Variants in DAPK1 observed in about 807,000 individuals in gnomAD.
DAPK1 encodes the protein death associated protein kinase 1.
Under a neutral mutation model 144.9 loss-of-function variants are expected in DAPK1, and 56 were observed. The ratio of observed to expected loss-of-function variants is 0.39; its 90% CI spans 0.31 to 0.48. The LOEUF (loss-of-function observed/expected upper bound fraction) is 0.48, where lower values mean the gene tolerates loss of function less well. DAPK1 is among the 20% of genes least tolerant of loss of function. The pLI is 0.95. For missense variants in DAPK1, 1,454 were observed against 1,875.4 expected (o/e 0.78, Z 4.15); for synonymous variants, 690 against 749.0 (o/e 0.92, Z 1.29).
intron 3 of DAPK1, chr9:87,632,921 TAA>T (rs1564033112): frequency 5.6e-6 from 5 of 899,846 alleles, no homozygotes; most frequent in Non-Finnish European, 6.5e-6. Flanking sequence ...TATATATATA[TAA>T]ATGAAGGGTG....
chr9:87,509,320 G>A (rs757688423), intron 2 of DAPK1, among the ~76,000 whole-genome samples: 1 of 152,088 alleles, frequency 6.6e-6, no homozygotes, highest in Non-Finnish European at 1.5e-5. Context: ...TATTTCATTG[G>A]CCTATAAATC....
intron 2 of DAPK1, among the ~76,000 whole-genome samples, chr9:87,507,363 C>T (rs1271568945): frequency 6.6e-6 from 1 of 152,200 alleles, no homozygotes; most frequent in Non-Finnish European, 1.5e-5. Flanking sequence ...CAGGCATGCA[C>T]CACCACGCCT....
Position 87,623,759 on chromosome 9 carries a change from A to G in DAPK1, c.285-14184A>G, listed in dbSNP as rs144787697. Among the ~76,000 whole-genome samples, 41 of 152,296 alleles carry G rather than the reference A, an allele frequency of 2.7e-4. No homozygotes were observed. In the East Asian group the frequency reaches 6.0e-3, roughly 22 times the overall value. Reference sequence around the variant, plus strand: ...ATTTCCTGTGCAAGGACTGTGTGCCATGCCCTTGCTCATAAGTGCCTTTCA... The same window carrying G: ...ATTTCCTGTGCAAGGACTGTGTGCCGTGCCCTTGCTCATAAGTGCCTTTCA... On this transcript the variant is annotated intron_variant, in intron 3 of 25. Transcript: ENST00000408954.
intron 2 of DAPK1, among the ~76,000 whole-genome samples, chr9:87,531,230 C>T (rs1325008247): frequency 6.6e-6 from 1 of 152,136 alleles, no homozygotes; most frequent in Non-Finnish European, 1.5e-5. Context: ...TGAGTCCCCT[C>T]TGACTAGAGG....
At chr9:87,545,893 C>T (rs1051960188) in intron 2 of DAPK1, among the ~76,000 whole-genome samples, 1 of 152,236 alleles carries the variant, frequency 6.6e-6, no homozygotes, top group East Asian at 1.9e-4. Context: ...CTCATCAGTT[C>T]CATAAGATGC....
intron 2 of DAPK1, among the ~76,000 whole-genome samples, chr9:87,546,814 G>A (rs1826268614): frequency 6.6e-6 from 1 of 152,100 alleles, no homozygotes; most frequent in Non-Finnish European, 1.5e-5. Context: ...GACGTTAGAA[G>A]AGGCTGCACT....
chr9:87,706,048 A>G lies in DAPK1; in HGVS notation c.3061-84A>G. On this transcript the variant is annotated intron_variant, in intron 25 of 25. Coordinates refer to ENST00000408954, the MANE Select transcript of DAPK1 (RefSeq NM_004938.4). This position sits in a 1 kb window ranked among gnomAD's most constrained non-coding sequence, Gnocchi z 9.0. ...CATCTGCTCAGCCTCTGTTGCCGGC[A>G]TCAGGCCCTTTAGTGCTCTAAGTGG... 1 of 994,650 alleles carries G rather than the reference A, an allele frequency of 1.0e-6. No homozygotes were observed. Among genetic ancestry groups the G allele is most frequent in the Non-Finnish European group, 1.5e-6 (1 of 653,052 alleles). The allele number at this position is 994,650 out of a possible 1,614,324, so 61.6% of individuals were successfully genotyped here. A position where few individuals can be genotyped will look rare whatever the true frequency, so the allele number is the denominator to read the frequency against.
chr9:87,627,147 T>C (rs1025482042), intron 3 of DAPK1, among the ~76,000 whole-genome samples: 4 of 152,138 alleles, frequency 2.6e-5, no homozygotes, highest in African/African-American at 7.2e-5. Flanking sequence ...AGGTTGGCCA[T>C]GGGGAGGCGC....
rs769899201 is a variant in DAPK1, at chr9:87,686,702, C to T, written c.2376C>T (p.Ser792=). The T allele has an allele frequency of 1.9e-6, 3 of 1,613,196 alleles. 1 individual carries two copies. The South Asian group carries it at 3.3e-5, about 18-fold the overall frequency. ...HHPHCSADDQ[S]TKAIDIQNAY... The stretch of plus-strand genomic sequence containing the variant: ...CGCACTGCTCGGCCGATGACCAGTC[C>T]ACCAAGGCCATCGACATCCAGAACG... Residue 792 remains serine, a synonymous_variant, in exon 21 of 26, where the codon TCC becomes TCT. Transcript: ENST00000408954. The surrounding 1 kb of genome is among the most constrained non-coding windows in gnomAD (Gnocchi z 4.2).
chr9:87,528,660 G>A (rs4878089), intron 2 of DAPK1, among the ~76,000 whole-genome samples: 64,736 of 151,446 alleles, frequency 0.43, 14,371 homozygotes, highest in South Asian at 0.58. Flanking sequence ...AATCACCTCC[G>A]ACTCCTGAGC....
intron 3 of DAPK1, among the ~76,000 whole-genome samples, chr9:87,636,088 T>TG (rs1368540025): frequency 6.6e-6 from 1 of 151,668 alleles, no homozygotes; most frequent in East Asian, 1.9e-4. Flanking sequence ...GCAGACAGTG[T>TG]GGGGGCTGTG....
chr9:87,554,615 G>GGGC (rs1451883528), intron 2 of DAPK1, among the ~76,000 whole-genome samples: 1 of 152,166 alleles, frequency 6.6e-6, no homozygotes, highest in Non-Finnish European at 1.5e-5. Context: ...GTAGGACTTA[G>GGGC]GGCGCTCATG....
intron 2 of DAPK1, among the ~76,000 whole-genome samples, chr9:87,592,340 C>CA (rs1828168495): frequency 6.6e-6 from 1 of 152,240 alleles, no homozygotes; most frequent in Non-Finnish European, 1.5e-5. Context: ...ATTTCACCCC[C>CA]TTCCCTGCCA....
At chr9:87,605,279 GA>G in intron 3 of DAPK1, 104 bp downstream of exon 3, 1 of 924,604 alleles carries the variant, frequency 1.1e-6, no homozygotes, top group Non-Finnish European at 1.7e-6. Context: ...GAGGGATCAG[GA>G]ATTGGTTCTG....
At chr9:87,629,996 G>C (rs928462709) in intron 3 of DAPK1, among the ~76,000 whole-genome samples, 1 of 152,152 alleles carries the variant, frequency 6.6e-6, no homozygotes, top group Admixed American at 6.5e-5. Flanking sequence ...AACTAGCCCA[G>C]ATGGAGAGAC....
chr9:87,537,648 C>A (rs1451366597), intron 2 of DAPK1, among the ~76,000 whole-genome samples: 1 of 151,772 alleles, frequency 6.6e-6, no homozygotes, highest in African/African-American at 2.4e-5. Flanking sequence ...ATGATATGAT[C>A]TGTGTGTGCG....
At chr9:87,637,277 A>T (rs1413465868) in intron 3 of DAPK1, among the ~76,000 whole-genome samples, 1 of 151,954 alleles carries the variant, frequency 6.6e-6, no homozygotes, top group Non-Finnish European at 1.5e-5. Context: ...TATTTTTAGT[A>T]GAGACGGTGT....
chr9:87,694,388 T>C (rs1252588382), intron 21 of DAPK1, among the ~76,000 whole-genome samples: 2 of 152,068 alleles, frequency 1.3e-5, no homozygotes, highest in Non-Finnish European at 2.9e-5. Flanking sequence ...ATATTCAGGC[T>C]CTTAGGGGAT....
At chr9:87,596,730 T>TG (rs1015932104) in intron 2 of DAPK1, among the ~76,000 whole-genome samples, 23 of 152,326 alleles carry the variant, frequency 1.5e-4, no homozygotes, top group Admixed American at 5.2e-4. Flanking sequence ...GCACAGCTTC[T>TG]GGGGCGATCT....
Sources: gnomAD v4.1 joint callset for allele counts (sites outside exome capture counted in the v4.1 genomes callset) on GRCh38, gnomAD v4.1.1 for gene constraint, Gnocchi (gnomAD v3.1) non-coding constraint, MANE v1.5 for transcripts, NCBI Gene and HGNC (gene_info 2026-07-23, HGNC 2026-07-21) for gene names.